TTLL7: variants seen among roughly 807,000 people sequenced by gnomAD.
TTLL7 encodes the protein tubulin polyglutamylase TTLL7.
TTLL7 carries 53 observed loss-of-function variants against 120.2 expected under a neutral mutation model. That is an observed-to-expected ratio of 0.44 (90% confidence interval 0.35 to 0.55). The LOEUF (loss-of-function observed/expected upper bound fraction) is 0.55, where lower values mean the gene tolerates loss of function less well. Ranked by LOEUF, TTLL7 falls within the 20% of genes least tolerant of loss-of-function variation. The pLI, the probability that TTLL7 is intolerant of heterozygous loss-of-function variation, is 0.00. For synonymous variants in TTLL7, 353 were observed against 351.7 expected (o/e 1.00, Z -0.04); for missense variants, 803 against 1,054.7 (o/e 0.76, Z 3.31).
intron 1 of TTLL7, among the ~76,000 whole-genome samples, chr1:83,990,774 G>A (rs541219389): frequency 2.0e-4 from 30 of 152,222 alleles, no homozygotes; most frequent in African/African-American, 7.0e-4. Flanking sequence ...CAACTCCTAT[G>A]GAAAACAATA....
intron 4 of TTLL7, chr1:83,949,642 A>G: frequency 2.1e-6 from 1 of 466,988 alleles, no homozygotes; most frequent in Non-Finnish European, 3.7e-6. Flanking sequence ...GGTTTTTTCT[A>G]TTGATTCTTC....
In TTLL7 at chr1:83,949,970, A is replaced by C; in HGVS notation, c.174T>G (p.Asp58Glu). The change falls in exon 4 of 21, where the codon GAT becomes GAG. Residue 58 changes from aspartate to glutamate, a missense_variant. Asp to Glu is a conservative substitution (Grantham distance 45). Coordinates refer to ENST00000260505, the MANE Select transcript of TTLL7 (RefSeq NM_024686.6). ...CTGGAGTTTTCATAAATCCCATTTC[A>C]TCTATTACTAAACGAACTGCAAGTA... ...TKFEIVRLVIDEMGFMKTPDE... is the reference protein window; with the variant it reads ...TKFEIVRLVIEEMGFMKTPDE... 6.2e-7 allele frequency: 1 copy of C among 1,612,874 alleles called. No individual in the cohort carries two copies. The highest frequency in any genetic ancestry group is 8.5e-7 in the Non-Finnish European group (1 of 1,179,616).
intron 20 of TTLL7, among the ~76,000 whole-genome samples, chr1:83,876,805 A>G (rs951047498): frequency 3.3e-5 from 5 of 152,004 alleles, no homozygotes; most frequent in Non-Finnish European, 5.9e-5. Flanking sequence ...TTCACTTTAT[A>G]ATTTATCATA....
intron 15 of TTLL7, among the ~76,000 whole-genome samples, chr1:83,908,131 T>C (rs1657362523): frequency 6.6e-6 from 1 of 152,116 alleles, no homozygotes. Flanking sequence ...GTTTCAATCC[T>C]GACCCTATCT....
chr1:83,887,149 G>T, intron 19 of TTLL7: 1 of 842,132 alleles, frequency 1.2e-6, no homozygotes, highest in Non-Finnish European at 1.5e-6. Context: ...TGGTGTTTCT[G>T]GAGGTAGACA....
chr1:83,943,392 G>GCTAA (rs1648169190), intron 6 of TTLL7, among the ~76,000 whole-genome samples: 1 of 152,092 alleles, frequency 6.6e-6, no homozygotes, highest in African/African-American at 2.4e-5. Flanking sequence ...GTCCCCTCTG[G>GCTAA]CTAACCATCA....
At chr1:83,909,274 T>TC (rs1657482349) in intron 15 of TTLL7, among the ~76,000 whole-genome samples, 1 of 147,462 alleles carries the variant, frequency 6.8e-6, no homozygotes, top group Non-Finnish European at 1.5e-5. Flanking sequence ...TTTTCCTTTT[T>TC]TTTTTTTTTT....
chr1:83,912,785 T>C (rs1184975293), intron 14 of TTLL7: 1 of 152,196 alleles, frequency 6.6e-6, no homozygotes, highest in Non-Finnish European at 1.5e-5. Flanking sequence ...ATGTGCTCCT[T>C]CTGATGGTCT....
Position 83,867,744 on chromosome 1 carries a change from T to A in TTLL7, c.*2218A>T, listed in dbSNP as rs567001456. 3 of 152,190 alleles carry A rather than the reference T, an allele frequency of 2.0e-5. No individual in the cohort carries two copies. Among genetic ancestry groups the A allele is most frequent in the South Asian group, 4.1e-4 (2 of 4,822 alleles). The allele number at this position is 152,190 out of a possible 1,614,324, so 9.4% of individuals were successfully genotyped here. ...ATATATCAGACACTTATATATATAT[T>A]TTTGTGGCCAAATCATGAATTTAAA... is the stretch of plus-strand genomic sequence containing the variant. On this transcript the variant is annotated 3_prime_UTR_variant, in exon 21 of 21. Transcript: ENST00000260505.
At chr1:83,991,474 T>C (rs1294201052) in intron 1 of TTLL7, among the ~76,000 whole-genome samples, 2 of 152,038 alleles carry the variant, frequency 1.3e-5, no homozygotes, top group African/African-American at 4.8e-5. Context: ...GGCAAAACCC[T>C]GTCTTTACGA....
intron 10 of TTLL7, among the ~76,000 whole-genome samples, chr1:83,923,647 G>A (rs573380067): frequency 2.4e-4 from 37 of 152,142 alleles, no homozygotes; most frequent in Middle Eastern, 3.4e-3. Context: ...ATAAAGGAAC[G>A]TTCCCACTTT....
intron 8 of TTLL7, among the ~76,000 whole-genome samples, chr1:83,936,611 G>C (rs1211943368): frequency 1.3e-5 from 2 of 152,142 alleles, no homozygotes; most frequent in Non-Finnish European, 2.9e-5. Flanking sequence ...GCATTGTTAT[G>C]ATCCAATTTC....
chr1:83,946,589 C>G (rs1440642883), intron 6 of TTLL7, among the ~76,000 whole-genome samples: 1 of 152,120 alleles, frequency 6.6e-6, no homozygotes, highest in Non-Finnish European at 1.5e-5. Flanking sequence ...ACATTCTATT[C>G]TCAGTTAACA....
intron 10 of TTLL7, among the ~76,000 whole-genome samples, chr1:83,925,149 T>C (rs1418457582): frequency 6.6e-6 from 1 of 152,198 alleles, no homozygotes; most frequent in Non-Finnish European, 1.5e-5. Flanking sequence ...GGGCAATCTA[T>C]ATATGAATAT....
intron 1 of TTLL7, among the ~76,000 whole-genome samples, chr1:83,956,266 A>ATTTT (rs1313478379): frequency 6.7e-6 from 1 of 149,354 alleles, no homozygotes; most frequent in Non-Finnish European, 1.5e-5. Flanking sequence ...TTTTATTATT[A>ATTTT]TTTTTATTTA....
At chr1:83,971,952 A>C (rs1161451193) in intron 1 of TTLL7, among the ~76,000 whole-genome samples, 2 of 152,058 alleles carry the variant, frequency 1.3e-5, no homozygotes, top group African/African-American at 4.8e-5. Context: ...TTAAATACTT[A>C]ATTTTTAAGA....
chr1:83,987,087 T>C (rs982065771), intron 1 of TTLL7, among the ~76,000 whole-genome samples: 2 of 151,842 alleles, frequency 1.3e-5, no homozygotes, highest in Admixed American at 1.3e-4. Flanking sequence ...AATGAAGAAA[T>C]GGAAATGAAA....
At chr1:83,921,066 C>A (rs774988195) in intron 12 of TTLL7, 21 bp downstream of exon 12, 17 of 1,595,034 alleles carry the variant, frequency 1.1e-5, no homozygotes, top group Non-Finnish European at 1.5e-5. Flanking sequence ...TCAATCTATA[C>A]AAAAATAGCA....
At chr1:83,960,563 C>A (rs1649923789) in intron 1 of TTLL7, among the ~76,000 whole-genome samples, 1 of 151,854 alleles carries the variant, frequency 6.6e-6, no homozygotes, top group Non-Finnish European at 1.5e-5. Context: ...GACAGAAGAG[C>A]CAGTTTGAGG....
Sources: gnomAD v4.1 joint callset for allele counts (sites outside exome capture counted in the v4.1 genomes callset) on GRCh38, gnomAD v4.1.1 for gene constraint, MANE v1.5 for transcripts, NCBI Gene and HGNC (gene_info 2026-07-23, HGNC 2026-07-21) for gene names.